The following DGKG variants were observed in gnomAD, a reference collection of about 807,000 sequenced individuals.
DGKG encodes diacylglycerol kinase gamma.
DGKG carries 78 observed loss-of-function variants against 105.3 expected under a neutral mutation model. The observed-to-expected ratio is 0.74, with a 90% CI of 0.62 to 0.89. DGKG has a LOEUF of 0.89. DGKG is among the 40% of genes least tolerant of loss of function. DGKG has a pLI of 0.00. For synonymous variants in DGKG, 346 were observed against 367.1 expected, an observed-to-expected ratio of 0.94 and a Z score of 0.66; for missense variants, 958 against 1,020.1, an observed-to-expected ratio of 0.94 and a Z score of 0.83.
intron 19 of DGKG, 42 bp downstream of exon 19, chr3:186,251,717 C>A: frequency 1.2e-6 from 2 of 1,610,598 alleles, no homozygotes; most frequent in South Asian, 1.1e-5. Flanking sequence ...CCTTCCTGGG[C>A]GTTTCCCTTC....
In DGKG at chr3:186,361,376, A is replaced by G. The variant is rs938504706; in HGVS notation, c.-249+570T>C. 2.0e-5 allele frequency among the ~76,000 whole-genome samples: 3 copies of G among 151,674 alleles called. No individual in the cohort carries two copies. The highest frequency in any genetic ancestry group is 4.4e-5 in the Non-Finnish European group (3 of 67,918). ...CACGGACACATCTTGTGACTCTGAG[A>G]CTACACAGATCAACCTCAGATTCGA... On this transcript the variant is annotated intron_variant, in intron 1 of 24. Coordinates refer to ENST00000265022, the MANE Select transcript of DGKG (RefSeq NM_001346.3). This position sits in a 1 kb window ranked among gnomAD's most constrained non-coding sequence, Gnocchi z 6.8.
chr3:186,149,667 C>T lies in DGKG; in HGVS notation c.*423G>A. ...ATTCTCTGGAACCAGAGCTCCTTCC[C>T]TTGGCCACATCTGATCTCACCATAG... On this transcript the variant is annotated 3_prime_UTR_variant, in exon 25 of 25. Transcript: ENST00000265022. 2.0e-6 allele frequency: 2 copies of T among 990,800 alleles called. No individual in the cohort carries two copies. Among genetic ancestry groups the T allele is most frequent in the Non-Finnish European group, 2.4e-6 (2 of 833,040 alleles). The allele number at this position is 990,800 out of a possible 1,614,324, so 61.4% of individuals were successfully genotyped here. A position where few individuals can be genotyped will look rare whatever the true frequency, so the allele number is the denominator to read the frequency against.
At chr3:186,298,564 G>A (rs1157212730) in intron 3 of DGKG, among the ~76,000 whole-genome samples, 1 of 152,194 alleles carries the variant, frequency 6.6e-6, no homozygotes, top group Admixed American at 6.5e-5. Context: ...CCTTGGGAGT[G>A]GAGGCCAAAG....
intron 22 of DGKG, among the ~76,000 whole-genome samples, chr3:186,172,961 G>A (rs922469033): frequency 1.4e-4 from 21 of 152,350 alleles, no homozygotes; most frequent in South Asian, 8.3e-4. Flanking sequence ...GGAAGTCCAA[G>A]GTCAAAGTGC....
chr3:186,355,545 C>A (rs1031524420), intron 1 of DGKG, among the ~76,000 whole-genome samples: 24 of 151,446 alleles, frequency 1.6e-4, no homozygotes, highest in African/African-American at 5.6e-4. Context: ...TCACCACTAT[C>A]ACCACCACCA....
chr3:186,279,693 T>C, intron 9 of DGKG, 158 bp downstream of exon 9: 1 of 684,066 alleles, frequency 1.5e-6, no homozygotes, highest in Non-Finnish European at 2.4e-6. Context: ...CAGGCACTAA[T>C]GGATACAAAA....
intron 1 of DGKG, among the ~76,000 whole-genome samples, chr3:186,337,994 C>T (rs949558287): frequency 5.0e-4 from 76 of 151,884 alleles, no homozygotes; most frequent in African/African-American, 1.7e-3. Flanking sequence ...CAGGGCAAAA[C>T]CCTGTCTCTA....
intron 5 of DGKG, among the ~76,000 whole-genome samples, chr3:186,291,870 T>A (rs573941654): frequency 1.8e-4 from 28 of 152,304 alleles, no homozygotes; most frequent in African/African-American, 6.3e-4. Flanking sequence ...AATTATACAC[T>A]TAAAACATGC....
At chr3:186,319,496 C>G (rs980710827) in intron 2 of DGKG, among the ~76,000 whole-genome samples, 1 of 152,142 alleles carries the variant, frequency 6.6e-6, no homozygotes, top group African/African-American at 2.4e-5. Flanking sequence ...AGCTGCAGGC[C>G]TCATGATTTA....
chr3:186,335,760 A>C (rs1430245219), intron 1 of DGKG, among the ~76,000 whole-genome samples: 1 of 152,242 alleles, frequency 6.6e-6, no homozygotes, highest in Non-Finnish European at 1.5e-5. Flanking sequence ...TTAAGAAAGC[A>C]ACTATGGACA....
intron 19 of DGKG, among the ~76,000 whole-genome samples, chr3:186,244,527 C>T (rs181222783): frequency 6.6e-6 from 1 of 151,848 alleles, no homozygotes; most frequent in African/African-American, 2.4e-5. Flanking sequence ...GCTTCAGCCT[C>T]ATGAGTAGCT....
At chr3:186,187,446 A>G (rs891635739) in intron 22 of DGKG, among the ~76,000 whole-genome samples, 1 of 152,216 alleles carries the variant, frequency 6.6e-6, no homozygotes, top group African/African-American at 2.4e-5. Flanking sequence ...GGAGTTACCA[A>G]TGGAGAGAAA....
chr3:186,158,178 CT>C (rs1260712206), intron 24 of DGKG: 23 of 713,600 alleles, frequency 3.2e-5, no homozygotes, highest in Non-Finnish European at 3.9e-5. Flanking sequence ...TTATTTTCTT[CT>C]TTTATCTTTA....
At chr3:186,272,662 T>A (rs1722373735) in intron 10 of DGKG, among the ~76,000 whole-genome samples, 1 of 152,234 alleles carries the variant, frequency 6.6e-6, no homozygotes, top group African/African-American at 2.4e-5. Context: ...TCCTCCTGGC[T>A]ATGCCAGTGC....
chr3:186,208,068 G>T (rs897540975), intron 21 of DGKG, among the ~76,000 whole-genome samples: 11 of 151,552 alleles, frequency 7.3e-5, no homozygotes, highest in African/African-American at 2.7e-4. Context: ...TTGAGACAGA[G>T]TCTTGCTCTG....
intron 20 of DGKG, among the ~76,000 whole-genome samples, chr3:186,219,806 T>C (rs916341965): frequency 2.0e-5 from 3 of 152,216 alleles, no homozygotes; most frequent in Non-Finnish European, 2.9e-5. Flanking sequence ...TGTATAACTA[T>C]GGAATCCTCT....
At chr3:186,309,747 G>A (rs946258428) in intron 2 of DGKG, among the ~76,000 whole-genome samples, 3 of 152,132 alleles carry the variant, frequency 2.0e-5, no homozygotes, top group Admixed American at 6.5e-5. Context: ...ATATTTTGAT[G>A]TTCTCATCTC....
At chr3:186,169,208 A>ATT (rs1716700416) in intron 22 of DGKG, among the ~76,000 whole-genome samples, 1 of 152,212 alleles carries the variant, frequency 6.6e-6, no homozygotes, top group Non-Finnish European at 1.5e-5. Flanking sequence ...ATAACATTAA[A>ATT]TATTGTTTAT....
chr3:186,251,525 A>C (rs1027147860), intron 19 of DGKG, among the ~76,000 whole-genome samples: 2 of 152,194 alleles, frequency 1.3e-5, no homozygotes, highest in Non-Finnish European at 2.9e-5. Flanking sequence ...TTCCTGTGTT[A>C]GTTAAAATGA....
Sources: gnomAD v4.1 joint callset for allele counts (sites outside exome capture counted in the v4.1 genomes callset) on GRCh38, gnomAD v4.1.1 for gene constraint, Gnocchi (gnomAD v3.1) non-coding constraint, MANE v1.5 for transcripts, NCBI Gene and HGNC (gene_info 2026-07-23, HGNC 2026-07-21) for gene names.